ARL6IP6: variants seen among roughly 807,000 people sequenced by gnomAD.
The protein encoded by ARL6IP6 is ADP-ribosylation factor-like protein 6-interacting protein 6.
Under a neutral mutation model 21.5 loss-of-function variants are expected in ARL6IP6, and 22 were observed. That is an observed-to-expected ratio of 1.02 (90% CI 0.73 to 1.46). The LOEUF is 1.46. ARL6IP6 is among the 40% of genes most tolerant of loss of function. The pLI, the probability that ARL6IP6 is intolerant of heterozygous loss-of-function variation, is 0.00. For synonymous variants in ARL6IP6, 164 were observed against 125.3 expected, an observed-to-expected ratio of 1.31 and a Z score of -2.06; for missense variants, 388 against 299.8, an observed-to-expected ratio of 1.29 and a Z score of -2.17.
chr2:152,737,944 GTC>G (rs1222208358), intron 3 of ARL6IP6, among the ~76,000 whole-genome samples: 1 of 152,078 alleles, frequency 6.6e-6, no homozygotes, highest in Non-Finnish European at 1.5e-5. Context: ...ACAGTCCCAG[GTC>G]TCATCTGAGA....
At chr2:152,720,447 C>A in intron 1 of ARL6IP6, 86 bp from the exon 2 acceptor site, 1 of 1,343,916 alleles carries the variant, frequency 7.4e-7, no homozygotes. Context: ...GCACTTTCCA[C>A]AGCTCCACAA....
At chr2:152,758,089 A>C (rs1014771556) in intron 3 of ARL6IP6, among the ~76,000 whole-genome samples, 1 of 152,226 alleles carries the variant, frequency 6.6e-6, no homozygotes, top group Non-Finnish European at 1.5e-5. Flanking sequence ...GATTCCACAC[A>C]GGTATCAACA....
intron 2 of ARL6IP6, among the ~76,000 whole-genome samples, chr2:152,724,917 C>T (rs1314040613): frequency 2.6e-5 from 4 of 151,954 alleles, no homozygotes; most frequent in Non-Finnish European, 4.4e-5. Flanking sequence ...AGCAAAAAAA[C>T]GAAGACCCTG....
At chr2:152,728,341 T>C (rs927852535) in intron 2 of ARL6IP6, among the ~76,000 whole-genome samples, 4 of 152,348 alleles carry the variant, frequency 2.6e-5, no homozygotes, top group Middle Eastern at 3.4e-3. Flanking sequence ...CTAACACTTA[T>C]TTAATAGGAA....
At chr2:152,759,681 TTTTGGTGTC>T (rs1559247888) in intron 3 of ARL6IP6, 57 bp from the exon 4 acceptor site, 14 of 1,292,466 alleles carry the variant, frequency 1.1e-5, no homozygotes, top group Non-Finnish European at 1.6e-5. Flanking sequence ...CGATGAAAAC[TTTTGGTGTC>T]TTTGTTATAC....
At chr2:152,725,192 G>C (rs1699982744) in intron 2 of ARL6IP6, among the ~76,000 whole-genome samples, 1 of 152,076 alleles carries the variant, frequency 6.6e-6, no homozygotes, top group Non-Finnish European at 1.5e-5. Context: ...TACCACATTG[G>C]TCTATTGGAC....
upstream of ARL6IP6, chr2:152,718,581 G>A (rs775552577): frequency 1.7e-5 from 25 of 1,498,746 alleles, no homozygotes; most frequent in Non-Finnish European, 2.1e-5. Context: ...GGCGGGGCAG[G>A]TGGGAGAGGC....
chr2:152,754,307 C>T (rs190470278), intron 3 of ARL6IP6, among the ~76,000 whole-genome samples: 37 of 148,504 alleles, frequency 2.5e-4, no homozygotes, highest in Admixed American at 5.3e-4. Flanking sequence ...TAAATGGAAT[C>T]GTACAGATTT....
intron 3 of ARL6IP6, among the ~76,000 whole-genome samples, chr2:152,750,932 C>T (rs1172450498): frequency 6.6e-6 from 1 of 152,190 alleles, no homozygotes; most frequent in African/African-American, 2.4e-5. Flanking sequence ...GTAGTAACAT[C>T]TCCACAAATA....
chr2:152,755,367 C>T (rs948222407), intron 3 of ARL6IP6, among the ~76,000 whole-genome samples: 1 of 152,072 alleles, frequency 6.6e-6, no homozygotes, highest in Non-Finnish European at 1.5e-5. Flanking sequence ...GAGGGCCTGA[C>T]ATCCGTCAGG....
At chr2:152,750,457 C>CA (rs1701271864) in intron 3 of ARL6IP6, among the ~76,000 whole-genome samples, 1 of 132,052 alleles carries the variant, frequency 7.6e-6, no homozygotes, top group Admixed American at 8.8e-5. Context: ...GACCAGGTGA[C>CA]AGAGCAAGAC....
chr2:152,727,527 C>T (rs957398426), intron 2 of ARL6IP6, among the ~76,000 whole-genome samples: 1 of 152,160 alleles, frequency 6.6e-6, no homozygotes, highest in Admixed American at 6.5e-5. Flanking sequence ...ATCAGTCACT[C>T]GCTCACTGAT....
At chr2:152,721,847 T>C (rs1011858657) in intron 2 of ARL6IP6, among the ~76,000 whole-genome samples, 7 of 152,262 alleles carry the variant, frequency 4.6e-5, no homozygotes, top group African/African-American at 1.7e-4. Flanking sequence ...GTTTCTTAGA[T>C]ATTGCATGGA....
At chr2:152,723,216 A>G (rs549499888) in intron 2 of ARL6IP6, among the ~76,000 whole-genome samples, 30 of 152,338 alleles carry the variant, frequency 2.0e-4, no homozygotes, top group Non-Finnish European at 4.1e-4. Flanking sequence ...TTAATAAGAC[A>G]GTTTTCACAT....
intron 3 of ARL6IP6, among the ~76,000 whole-genome samples, chr2:152,738,415 C>T (rs1328521793): frequency 6.6e-6 from 1 of 152,228 alleles, no homozygotes; most frequent in East Asian, 1.9e-4. Flanking sequence ...CCCACATTTC[C>T]CTTCTGCACT....
At chr2:152,727,122 A>G (rs1317846538) in intron 2 of ARL6IP6, among the ~76,000 whole-genome samples, 1 of 152,206 alleles carries the variant, frequency 6.6e-6, no homozygotes, top group Non-Finnish European at 1.5e-5. Flanking sequence ...AGTTTCATGC[A>G]TGTTGTTGCC....
intron 3 of ARL6IP6, among the ~76,000 whole-genome samples, chr2:152,737,081 A>C (rs1045392286): frequency 2.6e-5 from 4 of 152,188 alleles, no homozygotes; most frequent in Non-Finnish European, 4.4e-5. Context: ...TCCAACTCTT[A>C]AGTATAGCAG....
At chr2:152,726,560 G>T in intron 2 of ARL6IP6, among the ~76,000 whole-genome samples, 1 of 152,202 alleles carries the variant, frequency 6.6e-6, no homozygotes, top group Non-Finnish European at 1.5e-5. Context: ...GAAAACTATA[G>T]AATCTAATAA....
At chr2:152,730,650 A>T (rs1700266391) in intron 2 of ARL6IP6, among the ~76,000 whole-genome samples, 1 of 151,998 alleles carries the variant, frequency 6.6e-6, no homozygotes, top group African/African-American at 2.4e-5. Context: ...GTGCCAGGAT[A>T]TTGGGGTGAA....
Sources: gnomAD v4.1 joint callset for allele counts (sites outside exome capture counted in the v4.1 genomes callset) on GRCh38, gnomAD v4.1.1 for gene constraint, MANE v1.5 for transcripts, NCBI Gene and HGNC (gene_info 2026-07-23, HGNC 2026-07-21) for gene names.